The following ASB9 variants were observed in gnomAD, a reference collection of about 807,000 sequenced individuals.
The protein encoded by ASB9 is ankyrin repeat and SOCS box containing 9, also known as ankyrin repeat and SOCS box protein 9.
A neutral mutation model predicts 16.6 loss-of-function variants in ASB9; 5 were observed. The observed-to-expected ratio is 0.30, with a 90% CI of 0.16 to 0.63. The LOEUF is 0.63. Ranked by LOEUF, ASB9 falls within the 30% of genes least tolerant of loss-of-function variation. ASB9 has a pLI of 0.82. For missense variants in ASB9, 216 were observed against 229.4 expected (o/e 0.94, Z 0.38); for synonymous variants, 100 against 86.4 (o/e 1.16, Z -0.87).
Position 15,269,904 on chromosome X carries a change from C to T in ASB9, c.-30G>A, listed in dbSNP as rs768449201. The T allele has an allele frequency of 6.8e-5, 76 of 1,119,857 alleles. No homozygotes were observed. Among genetic ancestry groups the T allele is most frequent in the Non-Finnish European group, 8.5e-5 (70 of 826,898 alleles). The allele number at this position is 1,119,857 out of a possible 1,213,427, so 92.3% of individuals were successfully genotyped here. The stretch of plus-strand genomic sequence containing the variant: ...CTCTCTCCTAAGCGAGCAAGCTCTG[C>T]GCTCCACTTCAGTTGCTCAGCAAAG... On this transcript the variant is annotated 5_prime_UTR_variant, in exon 1 of 7. Transcript: ENST00000380488.
intron 1 of ASB9, among the ~76,000 whole-genome samples, chrX:15,259,897 T>C (rs371383590): frequency 9.8e-5 from 11 of 112,260 alleles, no homozygotes; most frequent in South Asian, 7.3e-4. Context: ...TGTTTAGACT[T>C]GAGTACCATC....
intron 6 of ASB9, among the ~76,000 whole-genome samples, chrX:15,246,514 C>T (rs1229988598): frequency 2.7e-5 from 3 of 111,500 alleles, no homozygotes; most frequent in African/African-American, 9.8e-5. Context: ...CTCACTCTGT[C>T]GCCCAGGCTG....
At position 15,269,938 on chromosome X, in the gene ASB9, C is replaced by T; in HGVS notation, c.-64G>A. 5 of 885,633 alleles carry T rather than the reference C, an allele frequency of 5.6e-6. No individual in the cohort carries two copies. Among genetic ancestry groups the T allele is most frequent in the Non-Finnish European group, 6.3e-6 (4 of 631,733 alleles). The allele number at this position is 885,633 out of a possible 1,213,427, so 73.0% of individuals were successfully genotyped here. On this transcript the variant is annotated 5_prime_UTR_variant, in exon 1 of 7. Transcript: ENST00000380488. ...TCAGTTGCTCAGCAAAGTCCAAACTCCATGCTCCCCCTGCTCCTGAAAAAT... is the reference window on the plus strand; with the variant it reads ...TCAGTTGCTCAGCAAAGTCCAAACTTCATGCTCCCCCTGCTCCTGAAAAAT...
chrX:15,254,677 G>C, intron 3 of ASB9, 60 bp downstream of exon 3: 1 of 882,331 alleles, frequency 1.1e-6, no homozygotes, highest in Non-Finnish European at 1.7e-6. Flanking sequence ...TTATTCAGAA[G>C]GGATATACAT....
In ASB9 at chrX:15,254,748, G is replaced by A; in HGVS notation, c.271C>T (p.His91Tyr). The A allele has an allele frequency of 8.3e-7, 1 of 1,206,804 alleles. No individual in the cohort carries two copies. The highest frequency in any genetic ancestry group is 1.1e-6 in the Non-Finnish European group (1 of 891,272). ...HLSCVKILLK[H>Y]GAQVNGVTAD... The stretch of plus-strand genomic sequence containing the variant: ...TCAGCTGCCCTTACCTGAGCTCCAT[G>A]CTTTAATAAAATCTTCACACAAGAG... The change falls in exon 3 of 7, where the codon CAT (histidine) becomes TAT (tyrosine). Residue 91 changes from histidine to tyrosine, a missense_variant. Transcript: ENST00000380488.
intron 1 of ASB9, 73 bp from the exon 2 acceptor site, chrX:15,259,018 A>G (rs181654927): frequency 8.4e-6 from 7 of 830,458 alleles, no homozygotes; most frequent in African/African-American, 7.9e-5. Flanking sequence ...TTGCCCATCA[A>G]TAAGAGCCTA....
rs1865988205 is a variant in ASB9 at position 15,270,059 on chromosome X, C to CAG, written c.-187_-186dup. On this transcript the variant is annotated 5_prime_UTR_variant, in exon 1 of 7. The change abolishes the stop of an existing upstream ORF in the 5' untranslated region. Transcript: ENST00000380488. ...GGGTAATCTGAGTGCTACCTGTGAT[C>CAG]AGAGAGAGGCATGCGCTCGTGTACA... 1 of 369,311 alleles carries CAG rather than the reference C, an allele frequency of 2.7e-6. No homozygotes were observed. The highest frequency in any genetic ancestry group is 5.3e-5 in the Admixed American group (1 of 18,729). 30.4% of individuals were successfully genotyped at this position (369,311 alleles called of 1,213,427 possible).
chrX:15,268,708 G>T (rs1428492717), intron 1 of ASB9, among the ~76,000 whole-genome samples: 1 of 108,119 alleles, frequency 9.2e-6, no homozygotes, highest in Non-Finnish European at 1.9e-5. Flanking sequence ...GTAAACCACC[G>T]TGCCCCGCCT....
intron 1 of ASB9, among the ~76,000 whole-genome samples, chrX:15,267,486 T>G (rs1305285226): frequency 2.2e-5 from 2 of 90,954 alleles, no homozygotes; most frequent in African/African-American, 7.9e-5. Flanking sequence ...GGCTCACGCC[T>G]GTAATCCCAG....
intron 3 of ASB9, among the ~76,000 whole-genome samples, chrX:15,253,956 G>T (rs1485826335): frequency 8.9e-6 from 1 of 111,883 alleles, no homozygotes; most frequent in East Asian, 2.8e-4. Flanking sequence ...CACAAATAGT[G>T]CAGGACCCTG....
intron 5 of ASB9, among the ~76,000 whole-genome samples, chrX:15,249,319 C>T (rs762804053): frequency 8.9e-6 from 1 of 112,298 alleles, no homozygotes; most frequent in African/African-American, 3.2e-5. Context: ...CACCAAGCAG[C>T]CAAACTCACC....
chrX:15,245,911 C>T (rs1300291730), intron 6 of ASB9, among the ~76,000 whole-genome samples: 1 of 111,867 alleles, frequency 8.9e-6, no homozygotes, highest in Non-Finnish European at 1.9e-5. Context: ...TATTTTAAAC[C>T]AGGCCCTAAC....
rs7053581 is a variant in ASB9, at chrX:15,247,695, A to G, written c.760+1049T>C. ...CTTTTTCAAAACAAGTAATTATTAA[A>G]ATGCAGATAGAACTGCTCCATGATT... On this transcript the variant is annotated intron_variant, in intron 6 of 6. Coordinates refer to ENST00000380488, the MANE Select transcript of ASB9 (RefSeq NM_001031739.3). 1.8e-3 allele frequency among the ~76,000 whole-genome samples: 200 copies of G among 112,617 alleles called. 1 individual carries two copies. Among genetic ancestry groups the G allele is most frequent in the African/African-American group, 6.1e-3 (188 of 31,038 alleles).
At chrX:15,255,777 C>T (rs10126800) in intron 2 of ASB9, among the ~76,000 whole-genome samples, 21,317 of 110,932 alleles carry the variant, frequency 0.19, 2,328 homozygotes, top group African/African-American at 0.41. Flanking sequence ...TTTCAAACTG[C>T]GAGGGAAAAG....
intron 2 of ASB9, among the ~76,000 whole-genome samples, chrX:15,256,775 CAAAAAAAAAAA>C (rs1248547700): frequency 2.8e-5 from 1 of 35,999 alleles, no homozygotes; most frequent in African/African-American, 1.0e-4. Context: ...GACTCCGTCT[CAAAAAAAAAAA>C]AAAAAAAAGA....
At chrX:15,267,442 A>ATT (rs1926579377) in intron 1 of ASB9, among the ~76,000 whole-genome samples, 2 of 58,979 alleles carry the variant, frequency 3.4e-5, no homozygotes, top group African/African-American at 1.4e-4. Context: ...ATAATTATAT[A>ATT]TATAATTCCT....
At position 15,261,363 on chromosome X, in the gene ASB9, C is replaced by T. The variant is rs561763329; in HGVS notation, c.95-2418G>A. 6.3e-5 allele frequency among the ~76,000 whole-genome samples: 7 copies of T among 111,709 alleles called. No individual in the cohort carries two copies. The South Asian group carries it at 2.6e-3, about 42-fold the overall frequency. On this transcript the variant is annotated intron_variant, in intron 1 of 6. Coordinates refer to ENST00000380488, the MANE Select transcript of ASB9 (RefSeq NM_001031739.3). ...GATCACCATATGTATGATGATTAATCCACTTTTTTTTCCAAGTGCTCAGCT... is the reference window on the plus strand; with the variant it reads ...GATCACCATATGTATGATGATTAATTCACTTTTTTTTCCAAGTGCTCAGCT...
At chrX:15,266,736 A>G (rs1926425743) in intron 1 of ASB9, among the ~76,000 whole-genome samples, 2 of 110,376 alleles carry the variant, frequency 1.8e-5, no homozygotes. Context: ...GGAGATTGAG[A>G]CCATCCTGGC....
chrX:15,254,161 C>G (rs1925352238), intron 3 of ASB9, among the ~76,000 whole-genome samples: 1 of 111,910 alleles, frequency 8.9e-6, no homozygotes. Flanking sequence ...TGTTCTGAAC[C>G]CTCTCACCTA....
Sources: allele counts gnomAD v4.1 joint callset (sites outside exome capture counted in the v4.1 genomes callset), GRCh38; gene constraint gnomAD v4.1.1; transcripts MANE v1.5; gene names NCBI Gene and HGNC (gene_info 2026-07-23, HGNC 2026-07-21).